COL13A1: variants seen among roughly 807,000 people sequenced by gnomAD.
COL13A1 encodes the protein collagen alpha-1(XIII) chain.
Under a neutral mutation model 130.9 loss-of-function variants are expected in COL13A1, and 89 were observed. That is an observed-to-expected ratio of 0.68 (90% CI 0.57 to 0.81). The LOEUF (loss-of-function observed/expected upper bound fraction) is 0.81, where lower values mean the gene tolerates loss of function less well. Ranked by LOEUF, COL13A1 falls within the 30% of genes least tolerant of loss-of-function variation. The pLI, the probability that COL13A1 is intolerant of heterozygous loss-of-function variation, is 0.00. For synonymous variants in COL13A1, 402 were observed against 341.6 expected (o/e 1.18, Z -1.95); for missense variants, 879 against 934.6 (o/e 0.94, Z 0.78).
intron 1 of COL13A1, among the ~76,000 whole-genome samples, chr10:69,815,125 C>T (rs548049222): frequency 2.0e-5 from 3 of 152,268 alleles, no homozygotes; most frequent in African/African-American, 4.8e-5. Flanking sequence ...CCTGAAGGGA[C>T]GTGCCAGGCT....
rs1006563437 is a variant in COL13A1, at chr10:69,808,194, G to A, written c.294+5477G>A. Among the ~76,000 whole-genome samples, 8 of 152,292 alleles carry A rather than the reference G, an allele frequency of 5.3e-5. No homozygotes were observed. In the East Asian group the frequency reaches 5.8e-4, roughly 11 times the overall value. On this transcript the variant is annotated intron_variant, in intron 1 of 40. Transcript: ENST00000645393. Reference sequence around the variant, plus strand: ...CCAACCCTCATAGGAAGGTGGTGGGGAAAACCAAAAGCATCTCAAACACCA... The same window carrying A: ...CCAACCCTCATAGGAAGGTGGTGGGAAAAACCAAAAGCATCTCAAACACCA...
chr10:69,949,906 G>T (rs532037091), intron 38 of COL13A1, among the ~76,000 whole-genome samples: 1 of 151,924 alleles, frequency 6.6e-6, no homozygotes, highest in Non-Finnish European at 1.5e-5. Flanking sequence ...CCCAACTTTG[G>T]GGGGGTGGGG....
At chr10:69,891,470 G>A (rs150924279) in intron 10 of COL13A1, among the ~76,000 whole-genome samples, 316 of 152,302 alleles carry the variant, frequency 2.1e-3, no homozygotes, top group Non-Finnish European at 3.5e-3. Context: ...GAGGCAGAAG[G>A]CCCTGGAGGC....
At chr10:69,802,819 G>C in intron 1 of COL13A1, 102 bp downstream of exon 1, 1 of 1,471,618 alleles carries the variant, frequency 6.8e-7, no homozygotes, top group Non-Finnish European at 9.2e-7. Context: ...CTCTCTGCGA[G>C]CCCCAGGTTC....
chr10:69,957,037 A>C lies in COL13A1; in HGVS notation c.2179A>C (p.Asn727His). 6.2e-7 allele frequency: 1 copy of C among 1,613,670 alleles called. No homozygotes were observed. The highest frequency in any genetic ancestry group is 8.5e-7 in the Non-Finnish European group (1 of 1,179,608). The change falls in exon 40 of 41, where the codon AAC becomes CAC. Residue 727 changes from asparagine to histidine, a missense_variant. Around this residue, in one of 3 missense-constraint regions of COL13A1, gnomAD observed 68 missense variants for 65.8 expected, o/e 1.03. Transcript: ENST00000645393. ...TGGCTTACCAGTCCAAGGCTGCTGG[A>C]ACAAGGTAAGGCTTCCCATTGGTGT... Reference protein sequence around the residue: ...EDGLPVQGCWNK With the variant: ...EDGLPVQGCWHK
At chr10:69,913,376 T>A (rs2063584175) in intron 17 of COL13A1, among the ~76,000 whole-genome samples, 1 of 152,118 alleles carries the variant, frequency 6.6e-6, no homozygotes, top group Admixed American at 6.5e-5. Context: ...CCTGTGGGCT[T>A]TGCTGGACTG....
chr10:69,862,676 C>T (rs1442379398), intron 2 of COL13A1, among the ~76,000 whole-genome samples: 1 of 152,174 alleles, frequency 6.6e-6, no homozygotes, highest in Non-Finnish European at 1.5e-5. Context: ...TCTCCATGTG[C>T]CTCCTTCAAG....
At chr10:69,838,996 A>C (rs532176220) in intron 2 of COL13A1, among the ~76,000 whole-genome samples, 14 of 152,224 alleles carry the variant, frequency 9.2e-5, no homozygotes, top group Non-Finnish European at 1.9e-4. Flanking sequence ...TTGCATTTAC[A>C]CAATAATGGA....
At chr10:69,957,631 G>A (rs976130840) in intron 40 of COL13A1, among the ~76,000 whole-genome samples, 1 of 152,234 alleles carries the variant, frequency 6.6e-6, no homozygotes, top group Non-Finnish European at 1.5e-5. Context: ...GCCATTGTTA[G>A]AGCAGTCTGA....
intron 2 of COL13A1, among the ~76,000 whole-genome samples, chr10:69,840,874 T>G (rs981557330): frequency 2.0e-5 from 3 of 152,094 alleles, no homozygotes; most frequent in Admixed American, 2.0e-4. Context: ...CAACCCAGCG[T>G]TCCCCTGCCC....
intron 2 of COL13A1, among the ~76,000 whole-genome samples, chr10:69,834,700 G>A (rs541284659): frequency 7.9e-5 from 12 of 152,160 alleles, no homozygotes; most frequent in Admixed American, 3.9e-4. Context: ...CAATGCCAGC[G>A]CCTTTGCCCT....
At chr10:69,831,113 C>T (rs12241271) in intron 2 of COL13A1, among the ~76,000 whole-genome samples, 2,040 of 152,228 alleles carry the variant, frequency 0.013, 44 homozygotes, top group African/African-American at 0.046. Context: ...AGTTAATGAA[C>T]GGATGTTGTT....
intron 5 of COL13A1, 149 bp from the exon 6 acceptor site, chr10:69,877,890 T>G (rs1016047303): frequency 1.6e-6 from 1 of 631,594 alleles, no homozygotes; most frequent in African/African-American, 1.8e-5. Flanking sequence ...ATCTGTGTTT[T>G]GCTTTGTTTC....
intron 2 of COL13A1, among the ~76,000 whole-genome samples, chr10:69,829,973 C>T (rs537196007): frequency 5.3e-5 from 8 of 152,312 alleles, no homozygotes; most frequent in East Asian, 3.9e-4. Context: ...CTCCTAGATC[C>T]GCTCTGATAA....
intron 3 of COL13A1, among the ~76,000 whole-genome samples, chr10:69,871,954 T>C (rs1451214466): frequency 2.6e-5 from 4 of 152,132 alleles, no homozygotes; most frequent in African/African-American, 9.7e-5. Flanking sequence ...GTTACCCAAG[T>C]AGTAAGTGGC....
chr10:69,804,706 C>T (rs1406368116), intron 1 of COL13A1, among the ~76,000 whole-genome samples: 21 of 147,090 alleles, frequency 1.4e-4, no homozygotes, highest in African/African-American at 5.1e-4. Flanking sequence ...TTACTGAGAG[C>T]CTGCTGCGGG....
intron 6 of COL13A1, 137 bp downstream of exon 6, chr10:69,878,202 C>A: frequency 3.1e-6 from 2 of 637,702 alleles, no homozygotes; most frequent in Admixed American, 2.4e-5. Context: ...CTCACTGCCT[C>A]TCACGGCCCC....
At chr10:69,842,147 C>T (rs1285814388) in intron 2 of COL13A1, among the ~76,000 whole-genome samples, 1 of 152,160 alleles carries the variant, frequency 6.6e-6, no homozygotes, top group African/African-American at 2.4e-5. Context: ...ATGATTGACT[C>T]ATGGGGGTGG....
At position 69,802,263 on chromosome 10, in the gene COL13A1, C is replaced by A; in HGVS notation, c.-161C>A. On this transcript the variant is annotated 5_prime_UTR_variant, in exon 1 of 41. Coordinates refer to ENST00000645393, the MANE Select transcript of COL13A1 (RefSeq NM_001368882.1). The stretch of plus-strand genomic sequence containing the variant: ...TTTTTCGGCACTTCCTCTCCTACTG[C>A]TAATTTTTCCGTCCTCTTTGCCGGG... 1.2e-6 allele frequency: 1 copy of A among 860,952 alleles called. No individual in the cohort carries two copies. The highest frequency in any genetic ancestry group is 3.3e-5 in the East Asian group (1 of 30,160). 53.3% of individuals were successfully genotyped at this position (860,952 alleles called of 1,614,324 possible).
Sources: allele counts gnomAD v4.1 joint callset (sites outside exome capture counted in the v4.1 genomes callset), GRCh38; gene constraint gnomAD v4.1.1; regional missense constraint gnomAD v4.1.1; transcripts MANE v1.5; gene names NCBI Gene and HGNC (gene_info 2026-07-23, HGNC 2026-07-21).